MTF1: variants seen among roughly 807,000 people sequenced by gnomAD.
MTF1 encodes MRE-binding transcription factor.
A neutral mutation model predicts 70.4 loss-of-function variants in MTF1; 22 were observed. The ratio of observed to expected loss-of-function variants is 0.31; its 90% CI spans 0.22 to 0.45. MTF1 has a LOEUF of 0.45. MTF1 is among the 20% of genes least tolerant of loss of function. The pLI, the probability that MTF1 is intolerant of heterozygous loss-of-function variation, is 1.00. For missense variants in MTF1, 649 were observed against 922.0 expected, an observed-to-expected ratio of 0.70 and a Z score of 3.83; for synonymous variants, 333 against 352.8, an observed-to-expected ratio of 0.94 and a Z score of 0.63.
intron 9 of MTF1, among the ~76,000 whole-genome samples, chr1:37,818,763 G>A (rs1271334426): frequency 4.0e-5 from 6 of 151,470 alleles, no homozygotes; most frequent in Non-Finnish European, 8.8e-5. Flanking sequence ...GGGAGGCCGA[G>A]GCGGGCAGAT....
chr1:37,814,930 G>GT lies in MTF1; in HGVS notation c.*205dup, dbSNP rs572286933. 486 of 553,754 alleles carry GT rather than the reference G, an allele frequency of 8.8e-4. 1 individual carries two copies. The highest frequency in any genetic ancestry group is 1.7e-3 in the East Asian group (59 of 33,854). 34.3% of individuals were successfully genotyped at this position (553,754 alleles called of 1,614,324 possible). On this transcript the variant is annotated 3_prime_UTR_variant, in exon 11 of 11. Coordinates refer to ENST00000373036, the MANE Select transcript of MTF1 (RefSeq NM_005955.3). ...CACTTATAACTTAGCTTTTTTTGTT[G>GT]TTTTTTTTGTTTTTTGTTTTTTTCC... is the stretch of plus-strand genomic sequence containing the variant.
chr1:37,815,371 T>C lies in MTF1; in HGVS notation c.2027A>G (p.Gln676Arg). The change falls in exon 11 of 11, where the codon CAG (glutamine) becomes CGG (arginine). Residue 676 changes from glutamine (Q) to arginine (R), a missense_variant. Gln to Arg is a conservative substitution (Grantham distance 43, BLOSUM62 1). Around this residue, in one of 7 missense-constraint regions of MTF1, gnomAD observed 138 missense variants for 134.4 expected, o/e 1.03. Transcript: ENST00000373036. This position sits in a 1 kb window ranked among gnomAD's most constrained non-coding sequence, Gnocchi z 4.5. ...GGGAACAGGGGCTGAAGAGAAAGTC[T>C]GCGCTGGGAGCTGCAGGCTGGGCCC... ...PDGPSLQLPAQTFSSAPVPGS... is the reference protein window; with the variant it reads ...PDGPSLQLPARTFSSAPVPGS... The C allele has an allele frequency of 1.2e-6, 2 of 1,614,084 alleles. No homozygotes were observed. The highest frequency in any genetic ancestry group is 1.7e-6 in the Non-Finnish European group (2 of 1,180,020).
intron 10 of MTF1, 110 bp downstream of exon 10, chr1:37,817,309 G>A: frequency 1.4e-6 from 1 of 737,260 alleles, no homozygotes; most frequent in Non-Finnish European, 2.4e-6. Context: ...TTTAACTGAG[G>A]CTGTTTAAAG....
At position 37,815,275 on chromosome 1, in the gene MTF1, T is replaced by C. The variant is rs1478528687; in HGVS notation, c.2123A>G (p.Gln708Arg). 1 of 1,614,104 alleles carries C rather than the reference T, an allele frequency of 6.2e-7. No individual in the cohort carries two copies. The highest frequency in any genetic ancestry group is 1.7e-5 in the Admixed American group (1 of 60,006). The change falls in exon 11 of 11, where the codon CAG becomes CGG. Residue 708 changes from glutamine (Q) to arginine (R), a missense_variant. Coordinates refer to ENST00000373036, the MANE Select transcript of MTF1 (RefSeq NM_005955.3). The surrounding 1 kb of genome is among the most constrained non-coding windows in gnomAD (Gnocchi z 4.5). ...ATCCATGGCACTTAATGTTTCTGTC[T>C]GAGGGTCTGAAGGAGTCTCTGCTTG... ...SRQAETPSDPQTETLSAMDVS... is the reference protein window; with the variant it reads ...SRQAETPSDPRTETLSAMDVS...
At chr1:37,837,195 G>C (rs1641183829) in intron 4 of MTF1, among the ~76,000 whole-genome samples, 2 of 151,982 alleles carry the variant, frequency 1.3e-5, no homozygotes, top group Non-Finnish European at 2.9e-5. Context: ...TAAATAGCTG[G>C]GACCACACGC....
At chr1:37,852,772 A>AG (rs1263264421) in intron 2 of MTF1, among the ~76,000 whole-genome samples, 2 of 152,078 alleles carry the variant, frequency 1.3e-5, no homozygotes, top group Non-Finnish European at 2.9e-5. Context: ...CTGGGACTAC[A>AG]GGCATGCACC....
rs1178609464 is a variant in MTF1 at position 37,813,494 on chromosome 1, G to C, written c.*1642C>G. The C allele has an allele frequency of 6.6e-6, 1 of 152,260 alleles. No individual in the cohort carries two copies. Among genetic ancestry groups the C allele is most frequent in the Non-Finnish European group, 1.5e-5 (1 of 68,046 alleles). 9.4% of individuals were successfully genotyped at this position (152,260 alleles called of 1,614,324 possible). ...TCTCAATAATATCTTGGCTGGCCCTGAGCAATGGCTCAGAGAACAGGAGAG... is the reference window on the plus strand; with the variant it reads ...TCTCAATAATATCTTGGCTGGCCCTCAGCAATGGCTCAGAGAACAGGAGAG... On this transcript the variant is annotated 3_prime_UTR_variant, in exon 11 of 11. Coordinates refer to ENST00000373036, the MANE Select transcript of MTF1 (RefSeq NM_005955.3).
At chr1:37,850,588 G>T (rs1641403313) in intron 2 of MTF1, among the ~76,000 whole-genome samples, 1 of 151,426 alleles carries the variant, frequency 6.6e-6, no homozygotes, top group Non-Finnish European at 1.5e-5. Flanking sequence ...GAGAGAGAGA[G>T]ATCTCAAAGC....
intron 2 of MTF1, among the ~76,000 whole-genome samples, chr1:37,852,481 T>C (rs919510337): frequency 5.9e-5 from 9 of 152,170 alleles, no homozygotes; most frequent in African/African-American, 2.2e-4. Context: ...GCACTTCGAA[T>C]ACACCTCTGT....
chr1:37,816,333 T>C (rs1351202949), intron 10 of MTF1, among the ~76,000 whole-genome samples: 1 of 152,174 alleles, frequency 6.6e-6, no homozygotes, highest in East Asian at 1.9e-4. Context: ...GCCCAGGTGT[T>C]TGAGACCAGC....
chr1:37,810,776 G>A lies in MTF1; in HGVS notation c.*4360C>T, dbSNP rs1268457673. On this transcript the variant is annotated 3_prime_UTR_variant, in exon 11 of 11. Coordinates refer to ENST00000373036, the MANE Select transcript of MTF1 (RefSeq NM_005955.3). ...ATAGCCTGAGAATTGAAGATAAAATGGGGGAGGTGGAGTAAAGGAAGAAAG... is the reference window on the plus strand; with the variant it reads ...ATAGCCTGAGAATTGAAGATAAAATAGGGGAGGTGGAGTAAAGGAAGAAAG... 6.6e-6 allele frequency: 1 copy of A among 152,202 alleles called. No homozygotes were observed. Among genetic ancestry groups the A allele is most frequent in the Non-Finnish European group, 1.5e-5 (1 of 68,036 alleles). The allele number at this position is 152,202 out of a possible 1,614,324, so 9.4% of individuals were successfully genotyped here.
Position 37,857,630 on chromosome 1 carries a change from A to G in MTF1, c.29T>C (p.Ile10Thr), listed in dbSNP as rs1641518739. 1.2e-6 allele frequency: 2 copies of G among 1,613,852 alleles called. No homozygotes were observed. Among genetic ancestry groups the G allele is most frequent in the Non-Finnish European group, 1.7e-6 (2 of 1,180,044 alleles). Residue 10 changes from isoleucine to threonine, a missense_variant, in exon 2 of 11, where the codon ATC becomes ACC. This residue lies in a region of MTF1 where 34 missense variants were observed against 38.7 expected (regional missense o/e 0.88). Transcript: ENST00000373036. Reference sequence around the variant, plus strand: ...ATCTTCCTCTGCCTCAAAGTAGATGATGTTGTTGTCTGGACTGTGTTCCCC... The same window carrying G: ...ATCTTCCTCTGCCTCAAAGTAGATGGTGTTGTTGTCTGGACTGTGTTCCCC... MGEHSPDNNIIYFEAEEDEL... is the reference protein window; with the variant it reads MGEHSPDNNTIYFEAEEDEL...
At chr1:37,842,502 T>G (rs1347009895) in intron 2 of MTF1, among the ~76,000 whole-genome samples, 1 of 152,218 alleles carries the variant, frequency 6.6e-6, no homozygotes, top group African/African-American at 2.4e-5. Flanking sequence ...GATGATACCC[T>G]CAATGTCTGA....
intron 9 of MTF1, among the ~76,000 whole-genome samples, chr1:37,820,302 C>G (rs187121277): frequency 6.6e-4 from 101 of 152,350 alleles, no homozygotes; most frequent in Non-Finnish European, 1.1e-3. Context: ...CATCTAATTC[C>G]TACCCATATC....
Position 37,857,131 on chromosome 1 carries a change from C to G in MTF1, c.408+120G>C, listed in dbSNP as rs777056621. ...AACCTGAGGCATATGTTGTTGATAG[C>G]AAAACTACTTAAGTCCTAACCCCAT... On this transcript the variant is annotated intron_variant, in intron 2 of 10. Coordinates refer to ENST00000373036, the MANE Select transcript of MTF1 (RefSeq NM_005955.3). 298 of 989,604 alleles carry G rather than the reference C, an allele frequency of 3.0e-4. 2 individuals carry two copies. Among genetic ancestry groups the G allele is most frequent in the Admixed American group, 5.9e-4 (21 of 35,720 alleles). The allele number at this position is 989,604 out of a possible 1,614,324, so 61.3% of individuals were successfully genotyped here.
At chr1:37,834,347 G>A (rs61778081) in intron 6 of MTF1, among the ~76,000 whole-genome samples, 14,235 of 145,618 alleles carry the variant, frequency 0.098, 847 homozygotes, top group Middle Eastern at 0.24. Context: ...AGCTACTGGA[G>A]GCCAGGTGGG....
At chr1:37,834,919 T>G (rs1405057203) in intron 6 of MTF1, among the ~76,000 whole-genome samples, 160 bp downstream of exon 6, 1 of 152,114 alleles carries the variant, frequency 6.6e-6, no homozygotes, top group African/African-American at 2.4e-5. Flanking sequence ...AGACGTCGAG[T>G]AGGTGGTTAA....
chr1:37,842,925 G>T (rs1244455569), intron 2 of MTF1, among the ~76,000 whole-genome samples: 1 of 152,154 alleles, frequency 6.6e-6, no homozygotes, highest in Non-Finnish European at 1.5e-5. Flanking sequence ...CTGGGGTCAG[G>T]GTCCGGATGC....
intron 9 of MTF1, among the ~76,000 whole-genome samples, chr1:37,817,951 G>A (rs779292902): frequency 2.6e-5 from 4 of 152,206 alleles, no homozygotes; most frequent in Non-Finnish European, 5.9e-5. Context: ...AGACAGCCCT[G>A]TAAAGGCCTT....
Sources: gnomAD v4.1 joint callset for allele counts (sites outside exome capture counted in the v4.1 genomes callset) on GRCh38, gnomAD v4.1.1 for gene constraint, gnomAD v4.1.1 regional missense constraint, Gnocchi (gnomAD v3.1) non-coding constraint, MANE v1.5 for transcripts, NCBI Gene and HGNC (gene_info 2026-07-23, HGNC 2026-07-21) for gene names.